Variants in SULF2 observed in about 807,000 individuals in gnomAD.
The protein encoded by SULF2 is sulfatase 2.
Under a neutral mutation model 107.7 loss-of-function variants are expected in SULF2, and 52 were observed. That is an observed-to-expected ratio of 0.48 (90% CI 0.39 to 0.61). The LOEUF (loss-of-function observed/expected upper bound fraction) is 0.61, where lower values mean the gene tolerates loss of function less well. SULF2 is among the 20% of genes least tolerant of loss of function. The probability of loss-of-function intolerance (pLI) is 0.00; values close to 1 mark genes in which losing one functional copy is unlikely to be tolerated. For missense variants in SULF2, 993 were observed against 1,177.3 expected, an observed-to-expected ratio of 0.84 and a Z score of 2.29; for synonymous variants, 460 against 464.3, an observed-to-expected ratio of 0.99 and a Z score of 0.12.
chr20:47,670,673 A>G (rs192459466), intron 11 of SULF2, among the ~76,000 whole-genome samples: 25 of 666 alleles, frequency 0.038, 3 homozygotes, highest in African/African-American at 0.16. Context: ...ATGGGGTGAC[A>G]GCAGGGTGGG....
chr20:47,725,882 C>T (rs898013544), intron 3 of SULF2, among the ~76,000 whole-genome samples: 2 of 152,194 alleles, frequency 1.3e-5, no homozygotes, highest in Non-Finnish European at 1.5e-5. Flanking sequence ...CCCTGCGACA[C>T]GGATGGATTC....
In SULF2 at chr20:47,666,588, G is replaced by T; in HGVS notation, c.1577-100C>A. On this transcript the variant is annotated intron_variant, in intron 11 of 20. Coordinates refer to ENST00000688720, the MANE Select transcript of SULF2 (RefSeq NM_001387048.1). This position sits in a 1 kb window ranked among gnomAD's most constrained non-coding sequence, Gnocchi z 5.4. ...CATCAAGATAGGGCCGGGCTTCCAA[G>T]CATGAGGCTCAGCTTTGCCTGCGAC... is the stretch of plus-strand genomic sequence containing the variant. The T allele has an allele frequency of 1.1e-6, 1 of 950,176 alleles. No homozygotes were observed. Among genetic ancestry groups the T allele is most frequent in the Non-Finnish European group, 1.6e-6 (1 of 624,660 alleles). 58.9% of individuals were successfully genotyped at this position (950,176 alleles called of 1,614,324 possible). A position where few individuals can be genotyped will look rare whatever the true frequency, so the allele number is the denominator to read the frequency against.
chr20:47,690,139 C>A lies in SULF2; in HGVS notation c.724G>T (p.Ala242Ser). The A allele has an allele frequency of 6.7e-7, 1 of 1,497,488 alleles. No individual in the cohort carries two copies. Among genetic ancestry groups the A allele is most frequent in the Non-Finnish European group, 9.0e-7 (1 of 1,116,322 alleles). The allele number at this position is 1,497,488 out of a possible 1,614,324, so 92.8% of individuals were successfully genotyped here. A position where few individuals can be genotyped will look rare whatever the true frequency, so the allele number is the denominator to read the frequency against. ...GCTGAGGCTTACATGTGCTGAGATG[C>A]GTTTGGGAAGAGGCGTGAATATTGT... ...APQYSRLFPNASQHITPSYNY... is the reference protein window; with the variant it reads ...APQYSRLFPNSSQHITPSYNY... The change falls in exon 5 of 21, where the codon GCA (alanine) becomes TCA (serine). Residue 242 changes from alanine to serine, a missense_variant. Physicochemically the swap from Ala to Ser is moderately conservative, Grantham distance 99 (BLOSUM62 1). Coordinates refer to ENST00000688720, the MANE Select transcript of SULF2 (RefSeq NM_001387048.1).
rs2088606125 is a variant in SULF2 at position 47,702,552 on chromosome 20, C to T, written c.534G>A (p.Gly178=). Residue 178 remains glycine (G), a synonymous_variant, in exon 4 of 21, where the codon GGG becomes GGA. Transcript: ENST00000688720. ...AGTCGGAGCCGTGCTTCTCTTTCAC[C>T]CCGTTCCGACACAGCGTGTAGTTAT... ...RFYNYTLCRN[G]VKEKHGSDYS... The T allele has an allele frequency of 6.2e-7, 1 of 1,612,912 alleles. No homozygotes were observed. The highest frequency in any genetic ancestry group is 2.2e-5 in the East Asian group (1 of 44,882).
rs1315142323 is a variant in SULF2 at position 47,765,309 on chromosome 20, G to A, written c.-100-7846C>T. 6.6e-5 allele frequency among the ~76,000 whole-genome samples: 10 copies of A among 151,216 alleles called. No homozygotes were observed. The East Asian group carries it at 1.6e-3, about 23-fold the overall frequency. On this transcript the variant is annotated intron_variant, in intron 1 of 20. Transcript: ENST00000688720. ...GTGGAGCCTGCAGTGAGCCGAGATCGAGCCACTGTACTCCAGCCTGGGTGA... is the reference window on the plus strand; with the variant it reads ...GTGGAGCCTGCAGTGAGCCGAGATCAAGCCACTGTACTCCAGCCTGGGTGA...
intron 1 of SULF2, among the ~76,000 whole-genome samples, chr20:47,761,122 G>C (rs2090409045): frequency 6.6e-6 from 1 of 152,184 alleles, no homozygotes; most frequent in Non-Finnish European, 1.5e-5. Context: ...ACCATTATTA[G>C]AGTGATCCTA....
At chr20:47,763,258 C>G (rs1429338335) in intron 1 of SULF2, among the ~76,000 whole-genome samples, 1 of 152,228 alleles carries the variant, frequency 6.6e-6, no homozygotes, top group Non-Finnish European at 1.5e-5. Context: ...TCTCTGGAAA[C>G]AGCTAACGTC....
chr20:47,696,592 T>C (rs1179642026), intron 4 of SULF2, among the ~76,000 whole-genome samples: 1 of 152,234 alleles, frequency 6.6e-6, no homozygotes, highest in East Asian at 1.9e-4. Context: ...CCTGCCTTCA[T>C]GGGGCTTATA....
At chr20:47,679,728 G>C (rs1170199515) in intron 7 of SULF2, among the ~76,000 whole-genome samples, 1 of 152,128 alleles carries the variant, frequency 6.6e-6, no homozygotes, top group Non-Finnish European at 1.5e-5. Flanking sequence ...GACCCTGCAG[G>C]GCTAGGCCCA....
At chr20:47,781,518 G>A (rs1600703088) in intron 1 of SULF2, among the ~76,000 whole-genome samples, 3 of 152,294 alleles carry the variant, frequency 2.0e-5, no homozygotes, top group African/African-American at 7.2e-5. Flanking sequence ...ATGGGGCTCA[G>A]GTGTGCATTG....
intron 3 of SULF2, among the ~76,000 whole-genome samples, chr20:47,733,144 C>T (rs2089653456): frequency 6.6e-6 from 1 of 152,146 alleles, no homozygotes; most frequent in Non-Finnish European, 1.5e-5. Context: ...GCTCAAAAAA[C>T]ACATGCAAAT....
At chr20:47,728,836 G>T (rs1386578400) in intron 3 of SULF2, among the ~76,000 whole-genome samples, 2 of 152,152 alleles carry the variant, frequency 1.3e-5, no homozygotes, top group East Asian at 1.9e-4. Context: ...AGTAGAGATG[G>T]GGTTTCACCA....
chr20:47,702,504 A>C lies in SULF2; in HGVS notation c.567+15T>G. ...GCCACACAGCCACTCCCAGGCTGGAAAGGTTGCAGCTTACCTTGGAGTAGT... is the reference window on the plus strand; with the variant it reads ...GCCACACAGCCACTCCCAGGCTGGACAGGTTGCAGCTTACCTTGGAGTAGT... On this transcript the variant is annotated intron_variant, in intron 4 of 20. Transcript: ENST00000688720. The C allele has an allele frequency of 6.2e-7, 1 of 1,608,210 alleles. No homozygotes were observed. Among genetic ancestry groups the C allele is most frequent in the Non-Finnish European group, 8.5e-7 (1 of 1,177,388 alleles).
At chr20:47,755,029 G>A (rs1029212550) in intron 2 of SULF2, among the ~76,000 whole-genome samples, 1 of 149,078 alleles carries the variant, frequency 6.7e-6, no homozygotes, top group Non-Finnish European at 1.5e-5. Context: ...AGACGGGGGG[G>A]GTCTCACTAT....
rs368770942 is a variant in SULF2, at chr20:47,683,128, C to G, written c.930G>C (p.Thr310=). 11 of 1,611,704 alleles carry G rather than the reference C, an allele frequency of 6.8e-6. No homozygotes were observed. The highest frequency in any genetic ancestry group is 9.3e-6 in the Non-Finnish European group (11 of 1,178,494). Residue 310 remains threonine, a synonymous_variant, in exon 7 of 21, where the codon ACG becomes ACC. Coordinates refer to ENST00000688720, the MANE Select transcript of SULF2 (RefSeq NM_001387048.1). The part of the protein sequence containing the change: ...MLVETGELDN[T]YIVYTADHGY... ...CGTGGTCGGCGGTGTATACGATGTACGTGTTGTCCAGCTCGCCCGTCTCAA... is the reference window on the plus strand; with the variant it reads ...CGTGGTCGGCGGTGTATACGATGTAGGTGTTGTCCAGCTCGCCCGTCTCAA...
intron 3 of SULF2, among the ~76,000 whole-genome samples, chr20:47,727,107 G>A (rs2089465524): frequency 1.3e-5 from 2 of 152,098 alleles, no homozygotes; most frequent in Non-Finnish European, 2.9e-5. Flanking sequence ...GTCACGAGAT[G>A]AATGTGTTCC....
intron 18 of SULF2, among the ~76,000 whole-genome samples, chr20:47,660,074 A>G (rs373853338): frequency 1.4e-4 from 21 of 152,344 alleles, no homozygotes; most frequent in African/African-American, 4.8e-4. Context: ...GCCCTGACCA[A>G]GTGCAGGAGG....
At chr20:47,714,410 T>C (rs1263387002) in intron 3 of SULF2, among the ~76,000 whole-genome samples, 2 of 151,446 alleles carry the variant, frequency 1.3e-5, no homozygotes, top group Non-Finnish European at 2.9e-5. Flanking sequence ...TCAGCTCCTC[T>C]GTCCTCCCTC....
chr20:47,753,135 A>G (rs2090199758), intron 2 of SULF2, among the ~76,000 whole-genome samples: 1 of 151,748 alleles, frequency 6.6e-6, no homozygotes, highest in Non-Finnish European at 1.5e-5. Context: ...AAAAGAAAAG[A>G]AATGCAAACA....
Sources: allele counts gnomAD v4.1 joint callset (sites outside exome capture counted in the v4.1 genomes callset), GRCh38; gene constraint gnomAD v4.1.1; non-coding constraint Gnocchi (gnomAD v3.1); transcripts MANE v1.5; gene names NCBI Gene and HGNC (gene_info 2026-07-23, HGNC 2026-07-21).